ARHGEF18: variants seen among roughly 807,000 people sequenced by gnomAD.
ARHGEF18 encodes the protein Rho/Rac guanine nucleotide exchange factor 18.
A neutral mutation model predicts 155.7 loss-of-function variants in ARHGEF18; 93 were observed. The observed-to-expected ratio is 0.60, with a 90% confidence interval of 0.50 to 0.71. ARHGEF18 has a LOEUF of 0.71. Among genes scored for constraint, ARHGEF18 ranks in the 30% least tolerant of loss-of-function variants. The pLI is 0.00. For missense variants in ARHGEF18, 1,593 were observed against 1,816.1 expected (o/e 0.88, Z 2.23); for synonymous variants, 742 against 753.1 (o/e 0.99, Z 0.24).
chr19:7,398,435 C>A (rs759493517), intron 10 of ARHGEF18, among the ~76,000 whole-genome samples: 3 of 152,112 alleles, frequency 2.0e-5, no homozygotes, highest in African/African-American at 4.8e-5. Context: ...ATGGCTCACA[C>A]CTGTAATCCC....
At position 7,357,070 on chromosome 19, in the gene ARHGEF18, C is replaced by G. The variant is rs1440880998; in HGVS notation, c.-110-5711C>G. Among the ~76,000 whole-genome samples, 10 of 152,258 alleles carry G rather than the reference C, an allele frequency of 6.6e-5. No homozygotes were observed. In the East Asian group the frequency reaches 1.9e-3, roughly 29 times the overall value. ...AAGTTGTTGGTGGCTGTTGAGCTCTCATGAAGTTGGGCTCAGAGAGGTTGA... is the reference window on the plus strand; with the variant it reads ...AAGTTGTTGGTGGCTGTTGAGCTCTGATGAAGTTGGGCTCAGAGAGGTTGA... On this transcript the variant is annotated intron_variant, in intron 1 of 28. Transcript: ENST00000668164.
intron 10 of ARHGEF18, chr19:7,439,582 C>T (rs1305794586): frequency 1.3e-4 from 90 of 706,950 alleles, no homozygotes; most frequent in Non-Finnish European, 1.5e-4. Flanking sequence ...TTTGCAGCCC[C>T]TGTTGATGTT....
chr19:7,462,534 C>T lies in ARHGEF18; in HGVS notation c.2635+200C>T, dbSNP rs1312713508. ...AGAAGGGCCTTAGACATAATCTGGGCCAAGCCGCTCCTTGCAGACATAAAG... is the reference window on the plus strand; with the variant it reads ...AGAAGGGCCTTAGACATAATCTGGGTCAAGCCGCTCCTTGCAGACATAAAG... On this transcript the variant is annotated intron_variant, in intron 21 of 28. Coordinates refer to ENST00000668164, the MANE Select transcript of ARHGEF18 (RefSeq NM_001367823.1). The surrounding 1 kb of genome is among the most constrained non-coding windows in gnomAD (Gnocchi z 4.4). Among the ~76,000 whole-genome samples the T allele has an allele frequency of 6.6e-6, 1 of 152,026 alleles. No homozygotes were observed.
chr19:7,372,364 C>T (rs10420212), intron 2 of ARHGEF18, among the ~76,000 whole-genome samples: 29,710 of 151,380 alleles, frequency 0.2, 6,657 homozygotes, highest in African/African-American at 0.54. Context: ...AAGGCAGGTG[C>T]CCTGGCTGGA....
At chr19:7,439,286 C>CA (rs1248398289) in intron 10 of ARHGEF18, among the ~76,000 whole-genome samples, 2 of 150,786 alleles carry the variant, frequency 1.3e-5, no homozygotes, top group African/African-American at 4.9e-5. Context: ...TGAGACCCCC[C>CA]CCCAACCTCT....
rs1380641166 is a variant in ARHGEF18 at position 7,416,622 on chromosome 19, A to C, written c.968-23722A>C. On this transcript the variant is annotated intron_variant, in intron 10 of 28. Transcript: ENST00000668164. ...TTATTTGGGTTTTTTTTTTTTTTTG[A>C]GACAGAGTCTTGCTCTGCTGCCAAG... Among the ~76,000 whole-genome samples the C allele has an allele frequency of 5.9e-5, 2 of 33,928 alleles. 1 individual carries two copies. The highest frequency in any genetic ancestry group is 3.2e-3 in the East Asian group (2 of 620). 22.3% of individuals were successfully genotyped at this position (33,928 alleles called of 152,430 possible).
At chr19:7,362,703 A>G (rs1969681745) in intron 1 of ARHGEF18, 78 bp from the exon 2 acceptor site, 1 of 1,207,694 alleles carries the variant, frequency 8.3e-7, no homozygotes. Context: ...GTGACCAGCA[A>G]CAGATGCAGA....
rs1004286928 is a variant in ARHGEF18 at position 7,395,052 on chromosome 19, C to T, written c.967+11849C>T. 3 of 985,314 alleles carry T rather than the reference C, an allele frequency of 3.0e-6. No homozygotes were observed. The highest frequency in any genetic ancestry group is 3.6e-6 in the Non-Finnish European group (3 of 829,940). 61.0% of individuals were successfully genotyped at this position (985,314 alleles called of 1,614,324 possible). On this transcript the variant is annotated intron_variant, in intron 10 of 28. Coordinates refer to ENST00000668164, the MANE Select transcript of ARHGEF18 (RefSeq NM_001367823.1). The surrounding 1 kb of genome is among the most constrained non-coding windows in gnomAD (Gnocchi z 5.0). ...GAGCGCCCCGCCCTCGAGGGCACGCCTCCTTCCGGGTCACGCCCTCTGCCC... is the reference window on the plus strand; with the variant it reads ...GAGCGCCCCGCCCTCGAGGGCACGCTTCCTTCCGGGTCACGCCCTCTGCCC...
Position 7,444,190 on chromosome 19 carries a change from C to T in ARHGEF18, c.1361-14C>T, listed in dbSNP as rs1424852974. The T allele has an allele frequency of 1.2e-6, 2 of 1,608,830 alleles. No individual in the cohort carries two copies. Among genetic ancestry groups the T allele is most frequent in the Admixed American group, 3.3e-5 (2 of 59,926 alleles). ...AGCCAGCATGGCTAAGTCCTGCCGT[C>T]TGTGTCCCTGCAGAGCTGATGCAGA... On this transcript the variant is annotated splice_polypyrimidine_tract_variant and intron_variant, in intron 13 of 28. Coordinates refer to ENST00000668164, the MANE Select transcript of ARHGEF18 (RefSeq NM_001367823.1). The surrounding 1 kb of genome is among the most constrained non-coding windows in gnomAD (Gnocchi z 4.7).
intron 26 of ARHGEF18, among the ~76,000 whole-genome samples, chr19:7,467,982 T>C (rs1976769145): frequency 6.6e-6 from 1 of 152,152 alleles, no homozygotes; most frequent in Non-Finnish European, 1.5e-5. Flanking sequence ...GGCGGATTGC[T>C]TGAGGGCAGG....
intron 2 of ARHGEF18, among the ~76,000 whole-genome samples, chr19:7,370,356 C>T (rs543822606): frequency 1.0e-3 from 154 of 151,934 alleles, no homozygotes; most frequent in African/African-American, 3.5e-3. Flanking sequence ...ATTAGCCGGG[C>T]GTGGTGGCGG....
At chr19:7,361,521 G>A (rs903854385) in intron 1 of ARHGEF18, among the ~76,000 whole-genome samples, 2 of 152,090 alleles carry the variant, frequency 1.3e-5, no homozygotes, top group South Asian at 2.1e-4. Flanking sequence ...CCTAGGTAAC[G>A]ACCCAAGACA....
rs1972682293 is a variant in ARHGEF18, at chr19:7,411,446, A to G, written c.967+28243A>G. Among the ~76,000 whole-genome samples the G allele has an allele frequency of 3.3e-5, 5 of 152,136 alleles. No individual in the cohort carries two copies. In the South Asian group the frequency reaches 1.0e-3, roughly 32 times the overall value. The stretch of plus-strand genomic sequence containing the variant: ...CTCAGCCTCCCAAGTAGATGGGATT[A>G]CAGGTGCACACCACCATGTCCAGCT... On this transcript the variant is annotated intron_variant, in intron 10 of 28. Transcript: ENST00000668164.
intron 10 of ARHGEF18, among the ~76,000 whole-genome samples, chr19:7,422,532 T>C (rs1973417010): frequency 6.6e-6 from 1 of 151,862 alleles, no homozygotes; most frequent in African/African-American, 2.4e-5. Context: ...AAGGATCCCA[T>C]GATCTCCTGC....
At chr19:7,455,879 T>C (rs1385127805) in intron 17 of ARHGEF18, among the ~76,000 whole-genome samples, 1 of 152,154 alleles carries the variant, frequency 6.6e-6, no homozygotes, top group Non-Finnish European at 1.5e-5. Context: ...GTGAGACTCA[T>C]TCACTATCAC....
At chr19:7,466,213 G>A (rs560180363) in intron 23 of ARHGEF18, among the ~76,000 whole-genome samples, 2 of 152,038 alleles carry the variant, frequency 1.3e-5, no homozygotes, top group South Asian at 2.1e-4. Flanking sequence ...GTGAAACCCC[G>A]CCTCTACCAA....
At chr19:7,474,252 G>A (rs1366783984), downstream of ARHGEF18, among the ~76,000 whole-genome samples, 1 of 151,830 alleles carries the variant, frequency 6.6e-6, no homozygotes, top group Non-Finnish European at 1.5e-5. Flanking sequence ...GGCAAGAGAA[G>A]CGGTTGAACC....
intron 2 of ARHGEF18, among the ~76,000 whole-genome samples, chr19:7,365,517 C>T (rs537537698): frequency 2.6e-5 from 4 of 152,328 alleles, no homozygotes; most frequent in East Asian, 3.9e-4. Flanking sequence ...TTTAGCCCTG[C>T]GCCCTCCCTG....
downstream of ARHGEF18, chr19:7,472,760 C>G: frequency 2.9e-6 from 1 of 343,810 alleles, no homozygotes; most frequent in South Asian, 2.2e-5. Flanking sequence ...AGACCAGTGG[C>G]AGGTTCTCAG....
Sources: gnomAD v4.1 joint callset for allele counts (sites outside exome capture counted in the v4.1 genomes callset) on GRCh38, gnomAD v4.1.1 for gene constraint, Gnocchi (gnomAD v3.1) non-coding constraint, MANE v1.5 for transcripts, NCBI Gene and HGNC (gene_info 2026-07-23, HGNC 2026-07-21) for gene names.